URI1: variants seen among roughly 807,000 people sequenced by gnomAD.
URI1 encodes URI1 prefoldin like chaperone, also known as unconventional prefoldin RPB5 interactor 1.
URI1 carries 39 observed loss-of-function variants against 60.2 expected under a neutral mutation model. The observed-to-expected ratio is 0.65, with a 90% CI of 0.50 to 0.85. URI1 has a LOEUF of 0.85. URI1 is among the 40% of genes least tolerant of loss of function. The probability of loss-of-function intolerance (pLI) is 0.00; values close to 1 mark genes in which losing one functional copy is unlikely to be tolerated. For synonymous variants in URI1, 251 were observed against 236.8 expected (o/e 1.06, Z -0.55); for missense variants, 691 against 665.9 (o/e 1.04, Z -0.42).
intron 1 of URI1, among the ~76,000 whole-genome samples, chr19:29,936,094 A>G (rs924513920): frequency 3.4e-5 from 5 of 147,890 alleles, no homozygotes; most frequent in African/African-American, 1.3e-4. Context: ...CACTTAAAAA[A>G]AATTTTTTTT....
chr19:30,001,286 T>C (rs2055875138), intron 4 of URI1, among the ~76,000 whole-genome samples: 1 of 151,912 alleles, frequency 6.6e-6, no homozygotes, highest in Non-Finnish European at 1.5e-5. Flanking sequence ...GTATTTTTTG[T>C]AGGGATTTAA....
chr19:29,924,911 C>T (rs1261014126), intron 1 of URI1, among the ~76,000 whole-genome samples: 1 of 152,066 alleles, frequency 6.6e-6, no homozygotes, highest in African/African-American at 2.4e-5. Flanking sequence ...TCTCGGTTCA[C>T]TGCAACCTCC....
chr19:29,923,673 C>T, exon 1 of URI1: 2 of 1,536,330 alleles, frequency 1.3e-6, no homozygotes, highest in African/African-American at 2.7e-5. Context: ...TTCCAGGCTC[C>T]TTGGAGGTCA....
chr19:29,960,630 C>A (rs2055310772), intron 1 of URI1, among the ~76,000 whole-genome samples: 1 of 151,986 alleles, frequency 6.6e-6, no homozygotes, highest in Admixed American at 6.6e-5. Context: ...TAAAAAAAAT[C>A]TTCTTAACTT....
chr19:29,997,918 C>T (rs1039183980), intron 4 of URI1, among the ~76,000 whole-genome samples: 3 of 152,062 alleles, frequency 2.0e-5, no homozygotes, highest in Admixed American at 1.3e-4. Flanking sequence ...GTGAGGGCTA[C>T]CATGCCTGGC....
intron 4 of URI1, among the ~76,000 whole-genome samples, chr19:29,993,070 T>C (rs1440801368): frequency 6.6e-6 from 1 of 152,234 alleles, no homozygotes; most frequent in Non-Finnish European, 1.5e-5. Flanking sequence ...GACACATTTA[T>C]TTTATCTTAT....
intron 1 of URI1, among the ~76,000 whole-genome samples, chr19:29,935,371 A>AATATTTTTATATTTAT (rs1389680045): frequency 6.6e-6 from 1 of 152,192 alleles, no homozygotes; most frequent in Non-Finnish European, 1.5e-5. Flanking sequence ...CCATTAACAT[A>AATATTTTTATATTTAT]GATTTATAAT....
chr19:29,987,182 G>T (rs2055682519), intron 4 of URI1, among the ~76,000 whole-genome samples: 1 of 152,054 alleles, frequency 6.6e-6, no homozygotes, highest in African/African-American at 2.4e-5. Context: ...TATAATATCC[G>T]CCCTACCTGC....
chr19:30,000,056 T>C (rs2145417550), intron 4 of URI1, among the ~76,000 whole-genome samples: 1 of 152,090 alleles, frequency 6.6e-6, no homozygotes, highest in East Asian at 1.9e-4. Flanking sequence ...TTACATGTCC[T>C]CCCTGTCTCT....
intron 10 of URI1, among the ~76,000 whole-genome samples, chr19:30,014,555 A>G (rs762301506): frequency 4.6e-5 from 7 of 152,162 alleles, no homozygotes; most frequent in Non-Finnish European, 8.8e-5. Context: ...TTAATACATT[A>G]TTTTTCACAG....
intron 2 of URI1, among the ~76,000 whole-genome samples, chr19:29,978,143 T>C (rs971134444): frequency 1.3e-5 from 2 of 152,154 alleles, no homozygotes; most frequent in Non-Finnish European, 2.9e-5. Context: ...CTTGTAGGAG[T>C]CCTCAAGCTT....
intron 4 of URI1, among the ~76,000 whole-genome samples, chr19:29,989,501 G>A (rs376608858): frequency 4.0e-5 from 6 of 151,582 alleles, no homozygotes; most frequent in African/African-American, 1.5e-4. Flanking sequence ...TCAGTTCATC[G>A]CAACCTCCGC....
At chr19:29,998,051 C>T (rs1410165487) in intron 4 of URI1, among the ~76,000 whole-genome samples, 1 of 152,054 alleles carries the variant, frequency 6.6e-6, no homozygotes, top group Non-Finnish European at 1.5e-5. Flanking sequence ...CTGTGCCCAG[C>T]CATATTTTTT....
At chr19:29,987,210 A>C (rs1168486959) in intron 4 of URI1, among the ~76,000 whole-genome samples, 1 of 152,220 alleles carries the variant, frequency 6.6e-6, no homozygotes, top group Non-Finnish European at 1.5e-5. Flanking sequence ...CCTTTTAGTT[A>C]AATGTGTATT....
chr19:29,987,840 C>G (rs566477448), intron 4 of URI1, among the ~76,000 whole-genome samples: 2 of 152,144 alleles, frequency 1.3e-5, no homozygotes, highest in South Asian at 2.1e-4. Context: ...CAATATTTAT[C>G]TAAAATAATT....
intron 2 of URI1, among the ~76,000 whole-genome samples, chr19:29,982,628 A>G (rs1030714997): frequency 1.3e-5 from 2 of 152,194 alleles, no homozygotes; most frequent in Non-Finnish European, 2.9e-5. Flanking sequence ...AGTCAGTCCT[A>G]TGGAGACATT....
At chr19:29,972,936 C>G (rs2055477063) in intron 2 of URI1, among the ~76,000 whole-genome samples, 1 of 152,032 alleles carries the variant, frequency 6.6e-6, no homozygotes, top group African/African-American at 2.4e-5. Context: ...TTATTTTTTT[C>G]CAGTTAAAAT....
At chr19:29,954,306 T>C (rs1362114403) in intron 1 of URI1, among the ~76,000 whole-genome samples, 1 of 152,208 alleles carries the variant, frequency 6.6e-6, no homozygotes, top group African/African-American at 2.4e-5. Flanking sequence ...GTCACTTGAA[T>C]TACTTTTTTT....
chr19:29,935,638 T>C (rs1386496480), intron 1 of URI1, among the ~76,000 whole-genome samples: 3 of 151,890 alleles, frequency 2.0e-5, no homozygotes, highest in Non-Finnish European at 4.4e-5. Flanking sequence ...TCTGAAAATG[T>C]CTTAATTTCT....
Sources: allele counts gnomAD v4.1 joint callset (sites outside exome capture counted in the v4.1 genomes callset), GRCh38; gene constraint gnomAD v4.1.1; transcripts MANE v1.5; gene names NCBI Gene and HGNC (gene_info 2026-07-23, HGNC 2026-07-21).